The following TMEM117 variants were observed in gnomAD, a reference collection of about 807,000 sequenced individuals.
TMEM117 encodes transmembrane protein 117.
A neutral mutation model predicts 52.4 loss-of-function variants in TMEM117; 27 were observed. That is an observed-to-expected ratio of 0.51 (90% CI 0.38 to 0.71). TMEM117 has a LOEUF of 0.71. Ranked by LOEUF, TMEM117 falls within the 30% of genes least tolerant of loss-of-function variation. The pLI is 0.00. For synonymous variants in TMEM117, 215 were observed against 206.3 expected (o/e 1.04, Z -0.36); for missense variants, 556 against 630.5 (o/e 0.88, Z 1.26).
At chr12:44,256,944 G>A (rs1950266542) in intron 5 of TMEM117, among the ~76,000 whole-genome samples, 1 of 151,448 alleles carries the variant, frequency 6.6e-6, no homozygotes, top group Non-Finnish European at 1.5e-5. Context: ...TATGGTTACT[G>A]CCTTCTCTTT....
rs148876996 is a variant in TMEM117 at position 43,944,250 on chromosome 12, G to A, written c.318G>A (p.Gly106=). The change falls in exon 3 of 8, where the codon GGG becomes GGA. Residue 106 remains glycine (G), a synonymous_variant. Transcript: ENST00000266534. ...LRLKMFREDH[G]SWMTMFFSTI... ...TAAAAATGTTTCGAGAAGATCATGGGTCGTGGATGACAATGTTCTTCAGCA... is the reference window on the plus strand; with the variant it reads ...TAAAAATGTTTCGAGAAGATCATGGATCGTGGATGACAATGTTCTTCAGCA... 6.2e-7 allele frequency: 1 copy of A among 1,613,264 alleles called. No individual in the cohort carries two copies. The highest frequency in any genetic ancestry group is 2.2e-5 in the East Asian group (1 of 44,814).
intron 3 of TMEM117, among the ~76,000 whole-genome samples, chr12:44,079,622 T>C (rs1947446372): frequency 1.3e-5 from 2 of 152,232 alleles, no homozygotes. Context: ...CAAGATATTT[T>C]AGATAAGGCA....
intron 3 of TMEM117, among the ~76,000 whole-genome samples, chr12:44,063,094 C>T (rs1947165043): frequency 6.6e-6 from 1 of 152,178 alleles, no homozygotes; most frequent in African/African-American, 2.4e-5. Context: ...CACCCTCCCT[C>T]CTCCTGCAGA....
intron 3 of TMEM117, among the ~76,000 whole-genome samples, chr12:43,999,837 T>C (rs1270658075): frequency 6.6e-6 from 1 of 152,168 alleles, no homozygotes; most frequent in East Asian, 1.9e-4. Context: ...TGAATTAATA[T>C]TAGTTATTTC....
At chr12:44,238,412 A>G (rs1037092737) in intron 5 of TMEM117, among the ~76,000 whole-genome samples, 3 of 152,062 alleles carry the variant, frequency 2.0e-5, no homozygotes, top group African/African-American at 7.2e-5. Context: ...GAACCAGGCT[A>G]CTAATGTGTT....
chr12:44,320,690 G>A (rs1052124827), intron 6 of TMEM117, among the ~76,000 whole-genome samples: 2 of 152,176 alleles, frequency 1.3e-5, no homozygotes, highest in African/African-American at 2.4e-5. Flanking sequence ...CCAACCCTCA[G>A]CTTATATGCT....
chr12:44,105,912 G>T (rs1281372597), intron 3 of TMEM117, among the ~76,000 whole-genome samples: 1 of 152,060 alleles, frequency 6.6e-6, no homozygotes, highest in Non-Finnish European at 1.5e-5. Context: ...TTCACTCTGA[G>T]AACCTGGTAG....
the TMEM117 span, among the ~76,000 whole-genome samples, chr12:43,799,816 G>C: frequency 6.6e-6 from 1 of 151,940 alleles, no homozygotes; most frequent in South Asian, 2.1e-4. Context: ...TTAACCTTCT[G>C]GAGAAAACTG....
the TMEM117 span, chr12:43,796,859 A>T: frequency 2.7e-6 from 3 of 1,119,810 alleles, no homozygotes; most frequent in South Asian, 1.4e-5. Flanking sequence ...CTAAGGATTT[A>T]GGATGATAAC....
At chr12:44,085,794 A>C (rs542157641) in intron 3 of TMEM117, among the ~76,000 whole-genome samples, 15 of 152,350 alleles carry the variant, frequency 9.8e-5, no homozygotes, top group Admixed American at 9.1e-4. Flanking sequence ...ACTGAACATA[A>C]CAATTACAAA....
chr12:43,983,150 A>C (rs1295165495), intron 3 of TMEM117, among the ~76,000 whole-genome samples: 1 of 152,126 alleles, frequency 6.6e-6, no homozygotes, highest in Non-Finnish European at 1.5e-5. Context: ...CTTTAAGATG[A>C]CCTTACTCAC....
At chr12:43,842,631 T>G (rs905532233) in intron 1 of TMEM117, among the ~76,000 whole-genome samples, 1 of 152,152 alleles carries the variant, frequency 6.6e-6, no homozygotes, top group Non-Finnish European at 1.5e-5. Context: ...TGGCATGGTC[T>G]TTGTGATTTC....
rs192176179 is a variant in TMEM117, at chr12:44,222,350, T to C, written c.608+10963T>C. 1.8e-3 allele frequency among the ~76,000 whole-genome samples: 270 copies of C among 152,266 alleles called. 1 individual carries two copies. The highest frequency in any genetic ancestry group is 6.3e-3 in the African/African-American group (262 of 41,562). On this transcript the variant is annotated intron_variant, in intron 5 of 7. Transcript: ENST00000266534. Reference sequence around the variant, plus strand: ...GGGTCATCTGCAGGACTTTGTGGCATTGGCAGAGAGAAAAGGAGGGCATCC... The same window carrying C: ...GGGTCATCTGCAGGACTTTGTGGCACTGGCAGAGAGAAAAGGAGGGCATCC...
intron 3 of TMEM117, among the ~76,000 whole-genome samples, chr12:44,049,197 A>G (rs1374170113): frequency 6.6e-6 from 1 of 152,352 alleles, no homozygotes; most frequent in African/African-American, 2.4e-5. Context: ...GGATAAAGCA[A>G]ATATGGTACA....
At chr12:43,804,198 G>C in the TMEM117 span, 3 of 452,398 alleles carry the variant, frequency 6.6e-6, no homozygotes, top group African/African-American at 2.0e-5. Flanking sequence ...TTCCATTCCA[G>C]AGATGGAAGC....
intron 2 of TMEM117, among the ~76,000 whole-genome samples, chr12:43,871,486 C>T (rs1467865308): frequency 6.6e-6 from 1 of 152,104 alleles, no homozygotes; most frequent in Non-Finnish European, 1.5e-5. Flanking sequence ...CTGTAATGAT[C>T]AGTGATCTTG....
intron 6 of TMEM117, among the ~76,000 whole-genome samples, chr12:44,306,673 A>G (rs532795369): frequency 1.9e-4 from 29 of 152,322 alleles, no homozygotes; most frequent in Admixed American, 1.9e-3. Flanking sequence ...TGATTAGTGC[A>G]TTGCAGTTTT....
intron 3 of TMEM117, among the ~76,000 whole-genome samples, chr12:44,135,445 A>G (rs1458970503): frequency 1.3e-5 from 2 of 152,208 alleles, no homozygotes; most frequent in Admixed American, 6.5e-5. Flanking sequence ...TGCTTATCCA[A>G]TATAAATTTA....
At chr12:44,140,288 A>C (rs930951364) in intron 3 of TMEM117, among the ~76,000 whole-genome samples, 1 of 152,150 alleles carries the variant, frequency 6.6e-6, no homozygotes, top group Non-Finnish European at 1.5e-5. Context: ...GAAGTTTTTA[A>C]TATCTTCCTC....
Sources: allele counts gnomAD v4.1 joint callset (sites outside exome capture counted in the v4.1 genomes callset), GRCh38; gene constraint gnomAD v4.1.1; transcripts MANE v1.5; gene names NCBI Gene and HGNC (gene_info 2026-07-23, HGNC 2026-07-21).